Variants in RETREG1 observed in about 807,000 individuals in gnomAD.
The protein encoded by RETREG1 is family with sequence similarity 134 member B.
A neutral mutation model predicts 54.8 loss-of-function variants in RETREG1; 44 were observed. That is an observed-to-expected ratio of 0.80 (90% CI 0.63 to 1.03). RETREG1 has a LOEUF of 1.03. RETREG1 is among the 50% of genes least tolerant of loss of function. The pLI is 0.00. For synonymous variants in RETREG1, 217 were observed against 238.5 expected, an observed-to-expected ratio of 0.91 and a Z score of 0.83; for missense variants, 554 against 605.1, an observed-to-expected ratio of 0.92 and a Z score of 0.89.
chr5:16,513,113 G>A (rs1740233625), intron 3 of RETREG1, among the ~76,000 whole-genome samples: 1 of 152,144 alleles, frequency 6.6e-6, no homozygotes, highest in Non-Finnish European at 1.5e-5. Flanking sequence ...AATAGGGCTG[G>A]GTCTGTAGGA....
At chr5:16,505,667 C>T (rs1179634391) in intron 3 of RETREG1, among the ~76,000 whole-genome samples, 1 of 152,184 alleles carries the variant, frequency 6.6e-6, no homozygotes, top group African/African-American at 2.4e-5. Flanking sequence ...GACCGTCCCC[C>T]TTTCCACACC....
chr5:16,494,578 G>C (rs1429427577), intron 3 of RETREG1, among the ~76,000 whole-genome samples: 1 of 152,198 alleles, frequency 6.6e-6, no homozygotes, highest in Non-Finnish European at 1.5e-5. Flanking sequence ...GGCCATGTAA[G>C]ATGTGCCTTG....
Position 16,561,284 on chromosome 5 carries a change from T to C in RETREG1, c.458+4479A>G, listed in dbSNP as rs1741847830. Among the ~76,000 whole-genome samples the C allele has an allele frequency of 6.6e-6, 1 of 151,946 alleles. No homozygotes were observed. Among genetic ancestry groups the C allele is most frequent in the Admixed American group, 6.6e-5 (1 of 15,244 alleles). ...AGGCCGAGTCGGGCGGATCATGAGGTCAGGAGATCAAGACCATCCTGGCTA... is the reference window on the plus strand; with the variant it reads ...AGGCCGAGTCGGGCGGATCATGAGGCCAGGAGATCAAGACCATCCTGGCTA... On this transcript the variant is annotated intron_variant, in intron 3 of 8. Transcript: ENST00000306320. This position sits in a 1 kb window ranked among gnomAD's most constrained non-coding sequence, Gnocchi z 4.2.
At chr5:16,555,327 AT>A (rs931993458) in intron 3 of RETREG1, among the ~76,000 whole-genome samples, 40 of 151,762 alleles carry the variant, frequency 2.6e-4, no homozygotes, top group African/African-American at 9.7e-4. Context: ...ACATTTCTGT[AT>A]TTTAGTAGAG....
At chr5:16,506,569 G>A (rs182743229) in intron 3 of RETREG1, among the ~76,000 whole-genome samples, 2 of 151,738 alleles carry the variant, frequency 1.3e-5, no homozygotes, top group African/African-American at 4.8e-5. Flanking sequence ...CACCTCCCGG[G>A]CTCAGGTGAT....
chr5:16,602,340 G>T lies in RETREG1; in HGVS notation c.320+14312C>A, dbSNP rs545675479. Among the ~76,000 whole-genome samples, 11 of 152,232 alleles carry T rather than the reference G, an allele frequency of 7.2e-5. 1 individual carries two copies. In the South Asian group the frequency reaches 2.3e-3, roughly 32 times the overall value. ...CAACACAGGAGAGAAGGAAAACGAC[G>T]ACGATGGGCGTGTCCTAAGCTAAGT... On this transcript the variant is annotated intron_variant, in intron 1 of 8. Coordinates refer to ENST00000306320, the MANE Select transcript of RETREG1 (RefSeq NM_001034850.3).
At chr5:16,504,953 C>A (rs1739890228) in intron 3 of RETREG1, among the ~76,000 whole-genome samples, 1 of 152,206 alleles carries the variant, frequency 6.6e-6, no homozygotes, top group African/African-American at 2.4e-5. Context: ...AGCCTAAAAT[C>A]TGGCTAATCT....
chr5:16,601,570 T>C (rs1461728327), intron 1 of RETREG1, among the ~76,000 whole-genome samples: 1 of 152,018 alleles, frequency 6.6e-6, no homozygotes, highest in Admixed American at 6.6e-5. Context: ...CTAATTTTTG[T>C]ATTTTTGTAG....
intron 3 of RETREG1, among the ~76,000 whole-genome samples, chr5:16,556,363 T>C (rs977459877): frequency 3.3e-5 from 5 of 151,982 alleles, no homozygotes; most frequent in African/African-American, 1.2e-4. Flanking sequence ...GGTTTCACTG[T>C]GTTAGCCAGG....
intron 1 of RETREG1, among the ~76,000 whole-genome samples, chr5:16,572,753 C>T (rs1328563108): frequency 6.6e-6 from 1 of 152,158 alleles, no homozygotes; most frequent in Non-Finnish European, 1.5e-5. Flanking sequence ...TTAGGATGGG[C>T]TGCAGAGCCA....
intron 3 of RETREG1, among the ~76,000 whole-genome samples, chr5:16,495,199 A>G (rs1399180555): frequency 3.3e-5 from 5 of 152,230 alleles, no homozygotes. Flanking sequence ...CAAAGAAATG[A>G]TGTGAAACTT....
intron 3 of RETREG1, among the ~76,000 whole-genome samples, chr5:16,515,099 T>G (rs902379926): frequency 6.6e-6 from 1 of 152,094 alleles, no homozygotes; most frequent in East Asian, 1.9e-4. Context: ...TAATAGCTTC[T>G]TTTCCTCTGG....
intron 3 of RETREG1, among the ~76,000 whole-genome samples, chr5:16,528,916 A>C (rs1202567853): frequency 6.7e-6 from 1 of 149,634 alleles, no homozygotes; most frequent in Admixed American, 6.6e-5. Flanking sequence ...TAATTTGCCA[A>C]CTGCTGTATT....
At chr5:16,536,989 G>T (rs1741092288) in intron 3 of RETREG1, among the ~76,000 whole-genome samples, 1 of 152,076 alleles carries the variant, frequency 6.6e-6, no homozygotes, top group Non-Finnish European at 1.5e-5. Flanking sequence ...TCACACAAAA[G>T]GTCCAGTGTC....
At chr5:16,556,316 C>T (rs955289311) in intron 3 of RETREG1, among the ~76,000 whole-genome samples, 2 of 152,100 alleles carry the variant, frequency 1.3e-5, no homozygotes, top group South Asian at 2.1e-4. Context: ...CCGCCACGCC[C>T]GGCTAATTTT....
At chr5:16,588,217 T>C (rs905747515) in intron 1 of RETREG1, among the ~76,000 whole-genome samples, 3 of 152,230 alleles carry the variant, frequency 2.0e-5, no homozygotes, top group Non-Finnish European at 2.9e-5. Context: ...GATCAAGCTG[T>C]CTGCAGGTTT....
At chr5:16,550,715 A>C (rs940101090) in intron 3 of RETREG1, among the ~76,000 whole-genome samples, 2 of 152,246 alleles carry the variant, frequency 1.3e-5, no homozygotes, top group African/African-American at 4.8e-5. Flanking sequence ...AAAAGACGGG[A>C]ACAACCTGAA....
intron 1 of RETREG1, among the ~76,000 whole-genome samples, chr5:16,577,925 G>C (rs981997388): frequency 2.6e-5 from 4 of 152,204 alleles, no homozygotes; most frequent in African/African-American, 9.6e-5. Flanking sequence ...GGAACTGTGA[G>C]TCCATGAAGC....
chr5:16,566,526 C>T lies in RETREG1; in HGVS notation c.428-733G>A, dbSNP rs375391129. On this transcript the variant is annotated intron_variant, in intron 2 of 8. Coordinates refer to ENST00000306320, the MANE Select transcript of RETREG1 (RefSeq NM_001034850.3). ...TAAGAAATGATCATGAGGAAGCTTC[C>T]GCATTTTCCATCTAACAAAAAGCCA... Among the ~76,000 whole-genome samples, 213 of 152,292 alleles carry T rather than the reference C, an allele frequency of 1.4e-3. 1 individual carries two copies. Among genetic ancestry groups the T allele is most frequent in the African/African-American group, 3.9e-3 (162 of 41,578 alleles).
Sources: allele counts gnomAD v4.1 joint callset (sites outside exome capture counted in the v4.1 genomes callset), GRCh38; gene constraint gnomAD v4.1.1; non-coding constraint Gnocchi (gnomAD v3.1); transcripts MANE v1.5; gene names NCBI Gene and HGNC (gene_info 2026-07-23, HGNC 2026-07-21).